The following FXR1 variants were observed in gnomAD, a reference collection of about 807,000 sequenced individuals.
The protein encoded by FXR1 is RNA-binding protein FXR1.
FXR1 carries 15 observed loss-of-function variants against 84.0 expected under a neutral mutation model. The ratio of observed to expected loss-of-function variants is 0.18; its 90% CI spans 0.12 to 0.27. FXR1 has a LOEUF of 0.27. FXR1 is among the 10% of genes least tolerant of loss of function. The probability of loss-of-function intolerance (pLI) is 1.00; values close to 1 mark genes in which losing one functional copy is unlikely to be tolerated. For missense variants in FXR1, 480 were observed against 774.4 expected, an observed-to-expected ratio of 0.62 and a Z score of 4.51; for synonymous variants, 245 against 250.7, an observed-to-expected ratio of 0.98 and a Z score of 0.21.
intron 3 of FXR1, among the ~76,000 whole-genome samples, chr3:180,935,470 A>T (rs1720415677): frequency 6.6e-6 from 1 of 152,200 alleles, no homozygotes; most frequent in Admixed American, 6.5e-5. Flanking sequence ...GAAGTCATGG[A>T]TGATAGTGCA....
At chr3:180,916,679 T>A (rs557384661) in intron 1 of FXR1, among the ~76,000 whole-genome samples, 1 of 152,118 alleles carries the variant, frequency 6.6e-6, no homozygotes, top group African/African-American at 2.4e-5. Flanking sequence ...AGTGCTGGGA[T>A]TACAGGTGTG....
At chr3:180,921,764 G>A (rs548649056) in intron 1 of FXR1, among the ~76,000 whole-genome samples, 5 of 152,260 alleles carry the variant, frequency 3.3e-5, no homozygotes, top group South Asian at 4.1e-4. Context: ...AAAAGTATAC[G>A]TTTACATAGA....
chr3:180,929,281 T>A (rs1374803692), intron 1 of FXR1, among the ~76,000 whole-genome samples: 1 of 151,166 alleles, frequency 6.6e-6, no homozygotes, highest in African/African-American at 2.5e-5. Context: ...TTTTAAGATA[T>A]TTTTTTTTCC....
Position 180,979,715 on chromosome 3 carries a change from T to G in FXR1, c.*3423T>G, listed in dbSNP as rs1032249234. On this transcript the variant is annotated 3_prime_UTR_variant, in exon 17 of 17. Transcript: ENST00000357559. ...AAAGTCAGACTGTTAGCAAGTGGTG[T>G]TAAAACTGATTTAAGTCCATTACAC... 2 of 152,112 alleles carry G rather than the reference T, an allele frequency of 1.3e-5. No individual in the cohort carries two copies. Among genetic ancestry groups the G allele is most frequent in the Admixed American group, 6.6e-5 (1 of 15,244 alleles). 9.4% of individuals were successfully genotyped at this position (152,112 alleles called of 1,614,324 possible).
chr3:180,961,429 A>C (rs749367941), intron 10 of FXR1, 39 bp from the exon 11 acceptor site: 1 of 1,063,292 alleles, frequency 9.4e-7, no homozygotes, highest in Non-Finnish European at 1.4e-6. Context: ...ACTTTGTTAA[A>C]ATATTAAACA....
chr3:180,926,968 A>C (rs1040289268), intron 1 of FXR1, among the ~76,000 whole-genome samples: 4 of 152,126 alleles, frequency 2.6e-5, no homozygotes, highest in Admixed American at 2.0e-4. Flanking sequence ...TCTAAGCCAC[A>C]ACTCAATCAA....
chr3:180,928,199 TAA>T, intron 1 of FXR1, among the ~76,000 whole-genome samples: 1 of 152,182 alleles, frequency 6.6e-6, no homozygotes, highest in Non-Finnish European at 1.5e-5. Flanking sequence ...AATACCATTT[TAA>T]AAAGAGTCCA....
rs758539106 is a variant in FXR1, at chr3:180,948,377, G to T, written c.301G>T (p.Ala101Ser). 6.2e-7 allele frequency: 1 copy of T among 1,604,800 alleles called. No individual in the cohort carries two copies. Among genetic ancestry groups the T allele is most frequent in the South Asian group, 1.1e-5 (1 of 90,612 alleles). ...FYVIEYAACD[A>S]TYNEIVTFER... is the part of the protein sequence containing the mutation. ...TGTCATTGAATATGCTGCTTGTGAC[G>T]CTACTTACAATGAAATAGTCACATT... The change falls in exon 5 of 17, where the codon GCT becomes TCT. Residue 101 changes from alanine to serine, a missense_variant. By Grantham distance (99) the Ala-to-Ser change is moderately conservative. Around this residue, in one of 6 missense-constraint regions of FXR1, gnomAD observed 136 missense variants for 315.4 expected, o/e 0.43. Coordinates refer to ENST00000357559, the MANE Select transcript of FXR1 (RefSeq NM_005087.4).
chr3:180,924,140 G>A (rs1177447965), intron 1 of FXR1, among the ~76,000 whole-genome samples: 2 of 152,080 alleles, frequency 1.3e-5, no homozygotes, highest in Non-Finnish European at 2.9e-5. Context: ...TGCATTTTTA[G>A]TAGAGATAGG....
chr3:180,945,853 TCTC>T (rs1345256421), intron 3 of FXR1, among the ~76,000 whole-genome samples: 2 of 152,176 alleles, frequency 1.3e-5, no homozygotes, highest in African/African-American at 4.8e-5. Flanking sequence ...CTTTCCCTCT[TCTC>T]CTTAGAAATA....
chr3:180,976,089 A>G (rs1209069957), intron 16 of FXR1, 33 bp from the exon 17 acceptor site: 1 of 1,549,454 alleles, frequency 6.5e-7, no homozygotes, highest in Non-Finnish European at 8.8e-7. Flanking sequence ...TTTCATTTAT[A>G]AAGAAGTTGA....
In FXR1 at chr3:180,982,286, C is replaced by T. The variant is rs981377216; in HGVS notation, c.*5994C>T. 7 of 152,100 alleles carry T rather than the reference C, an allele frequency of 4.6e-5. No individual in the cohort carries two copies. The highest frequency in any genetic ancestry group is 4.8e-5 in the African/African-American group (2 of 41,518). The allele number at this position is 152,100 out of a possible 1,614,324, so 9.4% of individuals were successfully genotyped here. On this transcript the variant is annotated 3_prime_UTR_variant, in exon 17 of 17. Transcript: ENST00000357559. ...GATCCAAGTATTTTGTAAGAAAATA[C>T]CAGCAAAAGATAAAAGTTTTTTTAT...
At chr3:180,926,729 CTGTTTACTCCTTTATAAAGTT>C (rs1405705240) in intron 1 of FXR1, among the ~76,000 whole-genome samples, 10 of 151,564 alleles carry the variant, frequency 6.6e-5, no homozygotes, top group Non-Finnish European at 1.5e-5. Context: ...TTTAAAGTTT[CTGTTTACTCCTTTATAAAGTT>C]TGTTTACTCC....
At position 180,957,964 on chromosome 3, in the gene FXR1, G is replaced by T. The variant is rs190435322; in HGVS notation, c.990+36G>T. On this transcript the variant is annotated intron_variant, in intron 10 of 16. Coordinates refer to ENST00000357559, the MANE Select transcript of FXR1 (RefSeq NM_005087.4). ...AAAATGTAATCTGCCTCTTTAAAAT[G>T]TCCTTTTTTTGGCCAACTTAATAGT... 118 of 979,868 alleles carry T rather than the reference G, an allele frequency of 1.2e-4. 1 individual carries two copies. In the East Asian group the frequency reaches 2.9e-3, roughly 24 times the overall value. The allele number at this position is 979,868 out of a possible 1,614,324, so 60.7% of individuals were successfully genotyped here.
intron 15 of FXR1, among the ~76,000 whole-genome samples, chr3:180,972,981 T>C (rs1713773684): frequency 6.6e-6 from 1 of 152,228 alleles, no homozygotes; most frequent in Admixed American, 6.5e-5. Context: ...TTCTTGTTGC[T>C]CTTAGTGTAA....
At position 180,971,083 on chromosome 3, in the gene FXR1, G is replaced by GA. The variant is rs769011065; in HGVS notation, c.1603+733dup. ...AAACTTTGCAATTACAGATGATAGT[G>GA]AAAAAAAACCCCAGCGACGCAATCG... On this transcript the variant is annotated intron_variant, in intron 15 of 16. Coordinates refer to ENST00000357559, the MANE Select transcript of FXR1 (RefSeq NM_005087.4). The GA allele has an allele frequency of 1.1e-4, 134 of 1,228,988 alleles. No homozygotes were observed. The highest frequency in any genetic ancestry group is 2.3e-4 in the South Asian group (17 of 72,968). 76.1% of individuals were successfully genotyped at this position (1,228,988 alleles called of 1,614,324 possible).
rs995918070 is a variant in FXR1 at position 180,961,566 on chromosome 3, G to T, written c.1077+12G>T. 4 of 1,186,152 alleles carry T rather than the reference G, an allele frequency of 3.4e-6. No individual in the cohort carries two copies. In the East Asian group the frequency reaches 9.3e-5, roughly 28 times the overall value. The allele number at this position is 1,186,152 out of a possible 1,614,324, so 73.5% of individuals were successfully genotyped here. A position where few individuals can be genotyped will look rare whatever the true frequency, so the allele number is the denominator to read the frequency against. ...TTGCCTATCTAAAGGTTTGTATACG[G>T]TTCATACTATATTCTGATATTGTTG... On this transcript the variant is annotated intron_variant, in intron 11 of 16. Coordinates refer to ENST00000357559, the MANE Select transcript of FXR1 (RefSeq NM_005087.4).
At chr3:180,950,534 T>A (rs1722124170) in intron 7 of FXR1, among the ~76,000 whole-genome samples, 1 of 152,160 alleles carries the variant, frequency 6.6e-6, no homozygotes, top group South Asian at 2.1e-4. Flanking sequence ...ATCTTAACCA[T>A]TTTTAAGTGT....
intron 1 of FXR1, 26 bp downstream of exon 1, chr3:180,912,762 G>A (rs759932216): frequency 8.7e-6 from 14 of 1,614,044 alleles, no homozygotes; most frequent in Non-Finnish European, 1.2e-5. Context: ...CCACTTTGTC[G>A]AGTGTTCTGG....
Sources: allele counts gnomAD v4.1 joint callset (sites outside exome capture counted in the v4.1 genomes callset), GRCh38; gene constraint gnomAD v4.1.1; regional missense constraint gnomAD v4.1.1; transcripts MANE v1.5; gene names NCBI Gene and HGNC (gene_info 2026-07-23, HGNC 2026-07-21).